The following SH3YL1 variants were observed in gnomAD, a reference collection of about 807,000 sequenced individuals.
SH3YL1 encodes SH3 and SYLF domain containing 1.
Under a neutral mutation model 45.8 loss-of-function variants are expected in SH3YL1, and 41 were observed. That is an observed-to-expected ratio of 0.89 (90% confidence interval 0.70 to 1.16). The LOEUF is 1.16. Ranked by LOEUF, SH3YL1 falls within the 50% of genes most tolerant of loss-of-function variation. SH3YL1 has a pLI of 0.00. For synonymous variants in SH3YL1, 152 were observed against 151.4 expected, an observed-to-expected ratio of 1.00 and a Z score of -0.03; for missense variants, 389 against 409.6, an observed-to-expected ratio of 0.95 and a Z score of 0.43.
chr2:232,150 G>T (rs1184507930), intron 6 of SH3YL1, among the ~76,000 whole-genome samples: 3 of 151,866 alleles, frequency 2.0e-5, no homozygotes, highest in Admixed American at 2.0e-4. Flanking sequence ...ATTTGTAAGA[G>T]CCACTTAATT....
intron 1 of SH3YL1, among the ~76,000 whole-genome samples, chr2:257,399 G>T (rs1669388444): frequency 6.6e-6 from 1 of 152,208 alleles, no homozygotes; most frequent in South Asian, 2.1e-4. Context: ...AATGTGACCT[G>T]AGAAGAACTC....
chr2:248,267 T>A (rs1668922710), intron 3 of SH3YL1, among the ~76,000 whole-genome samples: 1 of 152,198 alleles, frequency 6.6e-6, no homozygotes, highest in African/African-American at 2.4e-5. Context: ...TAGAAAAATG[T>A]ATTTTCAATT....
At chr2:225,365 T>C (rs924189095) in intron 8 of SH3YL1, among the ~76,000 whole-genome samples, 4 of 152,182 alleles carry the variant, frequency 2.6e-5, no homozygotes, top group Non-Finnish European at 5.9e-5. Flanking sequence ...TCTGGGGGTT[T>C]GCTTTTCTTC....
intron 7 of SH3YL1, 99 bp downstream of exon 7, chr2:230,924 A>C (rs1400885971): frequency 1.7e-5 from 19 of 1,104,456 alleles, no homozygotes; most frequent in Non-Finnish European, 2.6e-5. Flanking sequence ...ACTACGAAGG[A>C]GGCTTAGTAG....
At chr2:249,651 C>T in intron 3 of SH3YL1, 80 bp downstream of exon 3, 4 of 1,030,040 alleles carry the variant, frequency 3.9e-6, no homozygotes, top group South Asian at 2.9e-5. Flanking sequence ...CTGTCCTACT[C>T]GCTATGCAAT....
intron 1 of SH3YL1, among the ~76,000 whole-genome samples, chr2:253,849 G>A (rs370282894): frequency 3.9e-5 from 6 of 152,210 alleles, no homozygotes; most frequent in African/African-American, 1.4e-4. Flanking sequence ...CATTACCACA[G>A]CATAGCCTAT....
intron 1 of SH3YL1, 65 bp downstream of exon 1, chr2:263,919 C>T: frequency 7.3e-7 from 1 of 1,378,400 alleles, no homozygotes; most frequent in East Asian, 2.7e-5. Context: ...TCCTCCTCCT[C>T]CCACCACCGC....
intron 1 of SH3YL1, chr2:256,040 CTCCTGATCACAGCA>C (rs1480566586): frequency 2.0e-5 from 3 of 152,196 alleles, no homozygotes. Flanking sequence ...GTAGAGACCA[CTCCTGATCACAGCA>C]TCCGTGCCCT....
chr2:218,588 GAT>G lies in SH3YL1; in HGVS notation c.*221_*222del. 1 of 475,446 alleles carries G rather than the reference GAT, an allele frequency of 2.1e-6. No homozygotes were observed. The highest frequency in any genetic ancestry group is 3.7e-6 in the Non-Finnish European group (1 of 272,670). 29.5% of individuals were successfully genotyped at this position (475,446 alleles called of 1,614,324 possible). ...AGAACTATGAGCGTATAAACTGTAT[GAT>G]ATTCTATGACACAGTAAGTGTGATA... On this transcript the variant is annotated 3_prime_UTR_variant, in exon 10 of 10. Transcript: ENST00000356150.
intron 4 of SH3YL1, chr2:243,373 T>C (rs997422638): frequency 4.3e-6 from 4 of 940,882 alleles, no homozygotes; most frequent in Non-Finnish European, 6.1e-6. Flanking sequence ...AAGGACAAGA[T>C]AAATTTGGGA....
chr2:220,171 T>C (rs1667510425), intron 9 of SH3YL1, among the ~76,000 whole-genome samples: 1 of 139,066 alleles, frequency 7.2e-6, no homozygotes, highest in Admixed American at 7.8e-5. Flanking sequence ...AGCCAGGTCC[T>C]ATTTGAACCC....
In SH3YL1 at chr2:230,061, G is replaced by A; in HGVS notation, c.703-17C>T. 3 of 1,570,250 alleles carry A rather than the reference G, an allele frequency of 1.9e-6. No individual in the cohort carries two copies. Among genetic ancestry groups the A allele is most frequent in the Non-Finnish European group, 2.6e-6 (3 of 1,153,762 alleles). On this transcript the variant is annotated splice_polypyrimidine_tract_variant and intron_variant, in intron 7 of 9. Coordinates refer to ENST00000356150, the MANE Select transcript of SH3YL1 (RefSeq NM_015677.4). Reference sequence around the variant, plus strand: ...TTCTTTAGCCTGGGAGAAACAAAAAGATAAATACACATAATTTTAAAATCT... The same window carrying A: ...TTCTTTAGCCTGGGAGAAACAAAAAAATAAATACACATAATTTTAAAATCT...
Sources: gnomAD v4.1 joint callset for allele counts (sites outside exome capture counted in the v4.1 genomes callset) on GRCh38, gnomAD v4.1.1 for gene constraint, MANE v1.5 for transcripts, NCBI Gene and HGNC (gene_info 2026-07-23, HGNC 2026-07-21) for gene names.